The following NRXN1 variants were observed in gnomAD, a reference collection of about 807,000 sequenced individuals.
NRXN1 encodes neurexin 1.
Under a neutral mutation model 150.9 loss-of-function variants are expected in NRXN1, and 39 were observed. That is an observed-to-expected ratio of 0.26 (90% confidence interval 0.20 to 0.34). NRXN1 has a LOEUF of 0.34. NRXN1 is among the 10% of genes least tolerant of loss of function. The pLI is 1.00. For synonymous variants in NRXN1, 924 were observed against 757.0 expected, an observed-to-expected ratio of 1.22 and a Z score of -3.62; for missense variants, 1,815 against 1,949.9, an observed-to-expected ratio of 0.93 and a Z score of 1.30.
intron 8 of NRXN1, among the ~76,000 whole-genome samples, chr2:50,559,441 G>A (rs1424472480): frequency 6.6e-6 from 1 of 152,132 alleles, no homozygotes; most frequent in Non-Finnish European, 1.5e-5. Context: ...ACGTGCTATG[G>A]TAGGATCAAT....
chr2:50,597,126 C>T (rs1256400179), intron 8 of NRXN1, among the ~76,000 whole-genome samples: 5 of 152,042 alleles, frequency 3.3e-5, no homozygotes, highest in Admixed American at 6.6e-5. Context: ...ATTTCAGGAA[C>T]GAGTCACCGT....
chr2:50,562,549 T>C (rs1168002093), intron 8 of NRXN1, among the ~76,000 whole-genome samples: 6 of 152,136 alleles, frequency 3.9e-5, no homozygotes, highest in African/African-American at 4.8e-5. Context: ...AAAATATTTA[T>C]TACTTGATTA....
At chr2:50,200,409 T>C (rs762721132) in intron 18 of NRXN1, among the ~76,000 whole-genome samples, 10 of 152,150 alleles carry the variant, frequency 6.6e-5, no homozygotes, top group African/African-American at 2.4e-4. Flanking sequence ...TAATATTTTA[T>C]CAGAGATACT....
intron 19 of NRXN1, 63 bp downstream of exon 19, chr2:50,091,260 A>T: frequency 6.4e-7 from 1 of 1,573,190 alleles, no homozygotes; most frequent in Non-Finnish European, 8.7e-7. Context: ...GATGCAAAAC[A>T]GTGCTTTTTC....
Position 50,312,752 on chromosome 2 carries a change from A to T in NRXN1, c.3365-75782T>A, listed in dbSNP as rs770656236. ...TGTGTCATAGGTAAGCCAAATACATATGTTGCAATTTCAGCTACTTCATTT... is the reference window on the plus strand; with the variant it reads ...TGTGTCATAGGTAAGCCAAATACATTTGTTGCAATTTCAGCTACTTCATTT... On this transcript the variant is annotated intron_variant, in intron 17 of 22. Coordinates refer to ENST00000401669, the MANE Select transcript of NRXN1 (RefSeq NM_001330078.2). 15 of 516,934 alleles carry T rather than the reference A, an allele frequency of 2.9e-5. No individual in the cohort carries two copies. In the Admixed American group the frequency reaches 2.9e-4, roughly 10 times the overall value. 32.0% of individuals were successfully genotyped at this position (516,934 alleles called of 1,614,324 possible). A position where few individuals can be genotyped will look rare whatever the true frequency, so the allele number is the denominator to read the frequency against.
intron 21 of NRXN1, among the ~76,000 whole-genome samples, chr2:50,034,056 A>G (rs960192978): frequency 6.6e-6 from 1 of 152,028 alleles, no homozygotes; most frequent in East Asian, 1.9e-4. Flanking sequence ...AGTGTAAATT[A>G]GTTCAACCAT....
intron 18 of NRXN1, among the ~76,000 whole-genome samples, chr2:50,109,085 T>C (rs1244710785): frequency 6.6e-6 from 1 of 152,172 alleles, no homozygotes; most frequent in African/African-American, 2.4e-5. Flanking sequence ...AACTATATAA[T>C]TTTTTGGCAA....
intron 5 of NRXN1, among the ~76,000 whole-genome samples, chr2:50,810,878 G>A (rs1334200324): frequency 6.6e-6 from 1 of 152,060 alleles, no homozygotes; most frequent in Non-Finnish European, 1.5e-5. Context: ...TACTCGGGAG[G>A]CTGAGGCAGG....
chr2:49,943,270 A>G (rs761087832), intron 22 of NRXN1, among the ~76,000 whole-genome samples: 3 of 152,226 alleles, frequency 2.0e-5, no homozygotes, highest in African/African-American at 7.2e-5. Flanking sequence ...ATTCAGAAAT[A>G]TATCACTTAA....
At chr2:50,727,885 C>G (rs886138258) in intron 5 of NRXN1, among the ~76,000 whole-genome samples, 1 of 152,054 alleles carries the variant, frequency 6.6e-6, no homozygotes, top group African/African-American at 2.4e-5. Flanking sequence ...ATCCTGTTAA[C>G]AAGTCCCTGA....
At chr2:50,661,699 C>T (rs186413681) in intron 5 of NRXN1, among the ~76,000 whole-genome samples, 22 of 152,146 alleles carry the variant, frequency 1.4e-4, no homozygotes, top group Admixed American at 8.5e-4. Flanking sequence ...AGGGTTTCCC[C>T]TTCCTTCTAA....
intron 5 of NRXN1, among the ~76,000 whole-genome samples, chr2:50,880,395 G>A (rs1679254738): frequency 6.6e-6 from 1 of 151,792 alleles, no homozygotes; most frequent in Non-Finnish European, 1.5e-5. Context: ...GAAAATAAAG[G>A]TATTTTGTAG....
At chr2:50,949,308 G>C (rs915851870) in intron 2 of NRXN1, among the ~76,000 whole-genome samples, 1 of 152,022 alleles carries the variant, frequency 6.6e-6, no homozygotes, top group African/African-American at 2.4e-5. Flanking sequence ...TGAAAGTGTT[G>C]CTGGTTTTAA....
intron 17 of NRXN1, among the ~76,000 whole-genome samples, chr2:50,292,694 T>C (rs1480283287): frequency 6.6e-6 from 1 of 152,188 alleles, no homozygotes; most frequent in Non-Finnish European, 1.5e-5. Flanking sequence ...TAATAGAACT[T>C]GTTCTCTTCA....
intron 18 of NRXN1, among the ~76,000 whole-genome samples, chr2:50,194,512 G>A (rs928548868): frequency 2.6e-5 from 4 of 151,960 alleles, no homozygotes; most frequent in African/African-American, 4.8e-5. Flanking sequence ...TTACCCCCCC[G>A]ATTCCCCAAC....
intron 5 of NRXN1, among the ~76,000 whole-genome samples, chr2:50,685,238 G>A (rs1293104766): frequency 4.6e-5 from 7 of 151,960 alleles, no homozygotes; most frequent in Non-Finnish European, 8.8e-5. Flanking sequence ...CTTTTGCTCT[G>A]TAATTGCCAT....
chr2:50,848,705 A>T (rs1419566754), intron 5 of NRXN1, among the ~76,000 whole-genome samples: 1 of 152,174 alleles, frequency 6.6e-6, no homozygotes, highest in Non-Finnish European at 1.5e-5. Context: ...CCCTAAAATG[A>T]TTAGGAAGAA....
chr2:49,952,140 T>C (rs1445238498), intron 21 of NRXN1, among the ~76,000 whole-genome samples: 6 of 152,178 alleles, frequency 3.9e-5, no homozygotes, highest in Non-Finnish European at 5.9e-5. Context: ...TCCCAGTAGA[T>C]TATGTTTTTC....
At chr2:50,397,569 T>C (rs968963119) in intron 17 of NRXN1, among the ~76,000 whole-genome samples, 2 of 152,096 alleles carry the variant, frequency 1.3e-5, no homozygotes, top group Non-Finnish European at 2.9e-5. Flanking sequence ...AAGGAGTTCA[T>C]TGGTCATTTC....
Sources: allele counts gnomAD v4.1 joint callset (sites outside exome capture counted in the v4.1 genomes callset), GRCh38; gene constraint gnomAD v4.1.1; transcripts MANE v1.5; gene names NCBI Gene and HGNC (gene_info 2026-07-23, HGNC 2026-07-21).